MARCHF2: variants seen among roughly 807,000 people sequenced by gnomAD.
MARCHF2 encodes the protein membrane associated ring-CH-type finger 2, also known as E3 ubiquitin-protein ligase MARCHF2.
Under a neutral mutation model 24.0 loss-of-function variants are expected in MARCHF2, and 22 were observed. The observed-to-expected ratio is 0.92, with a 90% CI of 0.66 to 1.31. The LOEUF (loss-of-function observed/expected upper bound fraction) is 1.31. Among genes scored for constraint, MARCHF2 ranks in the 50% most tolerant of loss-of-function variants. The pLI is 0.00. For missense variants in MARCHF2, 301 were observed against 335.3 expected (o/e 0.90, Z 0.80); for synonymous variants, 154 against 153.0 (o/e 1.01, Z -0.05).
At chr19:8,415,414 A>G (rs1350990794) in intron 1 of MARCHF2, among the ~76,000 whole-genome samples, 1 of 149,796 alleles carries the variant, frequency 6.7e-6, no homozygotes, top group East Asian at 1.9e-4. Context: ...AAAAAAAAAC[A>G]GACAAAAGAA....
chr19:8,438,416 A>G lies in MARCHF2; in HGVS notation c.611A>G (p.Tyr204Cys), dbSNP rs1296853983. ...LVSFRYHCQL[Y>C]SEWRKTNQKV... ...TCCTTCCGCTACCACTGCCAGCTGT[A>G]CTCCGAGTGGAGAAAGACCAACCAG... Residue 204 changes from tyrosine to cysteine, a missense_variant, in exon 5 of 5, where the codon TAC becomes TGC. Tyr to Cys is a radical substitution (Grantham distance 194, BLOSUM62 -2). Transcript: ENST00000215555. 1.9e-6 allele frequency: 3 copies of G among 1,613,714 alleles called. No individual in the cohort carries two copies. The highest frequency in any genetic ancestry group is 1.7e-6 in the Non-Finnish European group (2 of 1,180,024).
Position 8,421,837 on chromosome 19 carries a change from G to A in MARCHF2, c.-4G>A. 6.2e-7 allele frequency: 1 copy of A among 1,604,574 alleles called. No homozygotes were observed. The highest frequency in any genetic ancestry group is 8.5e-7 in the Non-Finnish European group (1 of 1,175,180). ...GCCCTGAGGATACGGGGCTCCCGGT[G>A]GCCATGACGACGGGTGACTGCTGCC... is the stretch of plus-strand genomic sequence containing the variant. On this transcript the variant is annotated 5_prime_UTR_variant, in exon 2 of 5. Transcript: ENST00000215555.
At chr19:8,426,401 C>T (rs1967402920) in intron 2 of MARCHF2, among the ~76,000 whole-genome samples, 1 of 151,756 alleles carries the variant, frequency 6.6e-6, no homozygotes, top group Non-Finnish European at 1.5e-5. Flanking sequence ...ATCACTCCAC[C>T]TGTGGGAGTC....
Position 8,430,579 on chromosome 19 carries a change from G to C in MARCHF2, c.373-79G>C. On this transcript the variant is annotated intron_variant, in intron 3 of 4. Transcript: ENST00000215555. This position sits in a 1 kb window ranked among gnomAD's most constrained non-coding sequence, Gnocchi z 4.4. ...AAGGAAAGGACAGAGGGAGGCCTAG[G>C]CCTGGAGGTCCTTACCCCTCCCCCT... The C allele has an allele frequency of 1.8e-6, 2 of 1,142,256 alleles. No individual in the cohort carries two copies. The highest frequency in any genetic ancestry group is 2.5e-5 in the South Asian group (2 of 79,162). 70.8% of individuals were successfully genotyped at this position (1,142,256 alleles called of 1,614,324 possible).
intron 2 of MARCHF2, among the ~76,000 whole-genome samples, chr19:8,422,314 G>A (rs1365983682): frequency 6.6e-6 from 1 of 152,024 alleles, no homozygotes; most frequent in African/African-American, 2.4e-5. Context: ...CAGGCTGTGG[G>A]CTCAGTGCCT....
chr19:8,429,416 A>C (rs932505041), intron 3 of MARCHF2, among the ~76,000 whole-genome samples: 2 of 151,116 alleles, frequency 1.3e-5, no homozygotes, highest in African/African-American at 4.9e-5. Context: ...CCAGGAGTTC[A>C]AGACCAGCCT....
In MARCHF2 at chr19:8,415,547, C is replaced by T. The variant is rs558982860; in HGVS notation, c.-53+2127C>T. ...CATCCTGGCCAACATGGTGAAACCC[C>T]GTCTCTACTAAAAATACAAATAATT... On this transcript the variant is annotated intron_variant, in intron 1 of 4. Transcript: ENST00000215555. 2.9e-4 allele frequency among the ~76,000 whole-genome samples: 43 copies of T among 150,858 alleles called. No individual in the cohort carries two copies. In the South Asian group the frequency reaches 8.8e-3, roughly 31 times the overall value.
Position 8,426,819 on chromosome 19 carries a change from C to G in MARCHF2, c.372+15C>G. ...CCCTCACAGAGGTACCCTTAAGAGT[C>G]TGAGACTGCGGTGGGCAGTGGGGAG... is the stretch of plus-strand genomic sequence containing the variant. On this transcript the variant is annotated intron_variant, in intron 3 of 4. Transcript: ENST00000215555. 1 of 1,609,766 alleles carries G rather than the reference C, an allele frequency of 6.2e-7. No homozygotes were observed. The highest frequency in any genetic ancestry group is 8.5e-7 in the Non-Finnish European group (1 of 1,178,430).
intron 4 of MARCHF2, among the ~76,000 whole-genome samples, chr19:8,433,568 C>G (rs1429469842): frequency 6.6e-6 from 1 of 150,452 alleles, no homozygotes. Flanking sequence ...CCCAGCTACT[C>G]AAGAGGCTGA....
intron 2 of MARCHF2, among the ~76,000 whole-genome samples, chr19:8,424,062 C>T (rs1001658263): frequency 3.3e-5 from 5 of 151,684 alleles, no homozygotes; most frequent in African/African-American, 1.2e-4. Flanking sequence ...GAAAATAGCT[C>T]TTCTTTGTGT....
intron 4 of MARCHF2, among the ~76,000 whole-genome samples, chr19:8,431,098 C>T (rs1192910459): frequency 3.9e-5 from 6 of 152,148 alleles, no homozygotes; most frequent in Non-Finnish European, 8.8e-5. Flanking sequence ...GACCTGAGTG[C>T]AGGAACCCCC....
intron 4 of MARCHF2, among the ~76,000 whole-genome samples, chr19:8,431,558 C>T (rs1310590295): frequency 6.8e-6 from 1 of 147,170 alleles, no homozygotes; most frequent in African/African-American, 2.5e-5. Flanking sequence ...AGGGAAAACC[C>T]AGGCACAGTG....
intron 4 of MARCHF2, among the ~76,000 whole-genome samples, chr19:8,432,986 A>C (rs1967620337): frequency 6.6e-6 from 1 of 151,964 alleles, no homozygotes; most frequent in East Asian, 1.9e-4. Flanking sequence ...TAGGAGGTTG[A>C]GGCAGGCAGA....
In MARCHF2 at chr19:8,437,347, C is replaced by CTTTTTTTTTTTTTTTTTTTTTTT. The variant is rs1156296451; in HGVS notation, c.583-1040_583-1039insTTTTTTTTTTTTTTTTTTTTTTT. On this transcript the variant is annotated intron_variant, in intron 4 of 4. Coordinates refer to ENST00000215555, the MANE Select transcript of MARCHF2 (RefSeq NM_001005415.2). Reference sequence around the variant, plus strand: ...CACCACTGTTTATTTATTCATTCACCTATTTTTTTTTTTTTTTTTTTTGAG... The same window carrying CTTTTTTTTTTTTTTTTTTTTTTT: ...CACCACTGTTTATTTATTCATTCACCTTTTTTTTTTTTTTTTTTTTTTTTATTTTTTTTTTTTTTTTTTTTGAG... Among the ~76,000 whole-genome samples the CTTTTTTTTTTTTTTTTTTTTTTT allele has an allele frequency of 1.8e-5, 2 of 113,948 alleles. 1 individual carries two copies. 74.8% of individuals were successfully genotyped at this position (113,948 alleles called of 152,430 possible). A position where few individuals can be genotyped will look rare whatever the true frequency, so the allele number is the denominator to read the frequency against.
intron 1 of MARCHF2, among the ~76,000 whole-genome samples, chr19:8,415,744 C>CAAAAAAAAAAAAAAAAAAAAAAAAA (rs542384304): frequency 1.0e-5 from 1 of 96,188 alleles, no homozygotes; most frequent in Non-Finnish European, 2.1e-5. Flanking sequence ...ACAAAAAAAA[C>CAAAAAAAAAAAAAAAAAAAAAAAAA]AAAAAAAAAA....
At chr19:8,429,479 CTTATTA>C (rs144546795) in intron 3 of MARCHF2, among the ~76,000 whole-genome samples, 24,482 of 142,106 alleles carry the variant, frequency 0.17, 2,156 homozygotes, top group Admixed American at 0.19. Context: ...AATGAAAGAA[CTTATTA>C]TTATTATTAT....
chr19:8,415,730 A>AAAAAAAAG (rs1967062767), intron 1 of MARCHF2, among the ~76,000 whole-genome samples: 1 of 90,570 alleles, frequency 1.1e-5, no homozygotes, highest in Non-Finnish European at 2.3e-5. Context: ...TCAAAAAAAA[A>AAAAAAAAG]AAAACAAAAA....
intron 2 of MARCHF2, 67 bp from the exon 3 acceptor site, chr19:8,426,542 G>C: frequency 7.5e-7 from 1 of 1,334,946 alleles, no homozygotes; most frequent in Non-Finnish European, 1.1e-6. Context: ...TTGTGATCCA[G>C]TGGGTAGTGA....
At chr19:8,415,735 C>CA (rs1230223487) in intron 1 of MARCHF2, among the ~76,000 whole-genome samples, 6 of 96,730 alleles carry the variant, frequency 6.2e-5, no homozygotes, top group East Asian at 3.4e-4. Context: ...AAAAAAAAAA[C>CA]AAAAAAAACA....
Sources: allele counts gnomAD v4.1 joint callset (sites outside exome capture counted in the v4.1 genomes callset), GRCh38; gene constraint gnomAD v4.1.1; non-coding constraint Gnocchi (gnomAD v3.1); transcripts MANE v1.5; gene names NCBI Gene and HGNC (gene_info 2026-07-23, HGNC 2026-07-21).